LINGO2: variants seen among roughly 807,000 people sequenced by gnomAD.
The protein encoded by LINGO2 is leucine rich repeat and Ig domain containing 2.
Under a neutral mutation model 30.6 loss-of-function variants are expected in LINGO2, and 14 were observed. That is an observed-to-expected ratio of 0.46 (90% CI 0.30 to 0.72). LINGO2 has a LOEUF of 0.72. Among genes scored for constraint, LINGO2 ranks in the 30% least tolerant of loss-of-function variants. LINGO2 has a pLI of 0.07. For missense variants in LINGO2, 729 were observed against 751.7 expected, an observed-to-expected ratio of 0.97 and a Z score of 0.35; for synonymous variants, 317 against 288.5, an observed-to-expected ratio of 1.10 and a Z score of -1.00.
intron 4 of LINGO2, among the ~76,000 whole-genome samples, chr9:28,127,363 G>A (rs1827265704): frequency 6.6e-6 from 1 of 152,184 alleles, no homozygotes; most frequent in African/African-American, 2.4e-5. Context: ...AGGCCCTGGA[G>A]GATGAGAGAC....
At chr9:28,276,304 T>G (rs992063651) in intron 4 of LINGO2, among the ~76,000 whole-genome samples, 3 of 152,200 alleles carry the variant, frequency 2.0e-5, no homozygotes, top group Admixed American at 1.3e-4. Flanking sequence ...GCCTCCCATA[T>G]GGACCACACA....
chr9:28,441,124 C>A (rs1344467644), intron 2 of LINGO2, among the ~76,000 whole-genome samples: 2 of 152,036 alleles, frequency 1.3e-5, no homozygotes, highest in Admixed American at 6.5e-5. Flanking sequence ...TGGGACAGTG[C>A]AGCACAAAGG....
At chr9:28,197,515 G>C (rs1035208425) in intron 4 of LINGO2, among the ~76,000 whole-genome samples, 4 of 151,788 alleles carry the variant, frequency 2.6e-5, no homozygotes, top group African/African-American at 4.8e-5. Flanking sequence ...TTAGTAATTG[G>C]GAAAAATAAT....
At chr9:28,879,905 T>C in the LINGO2 span, among the ~76,000 whole-genome samples, 2 of 152,182 alleles carry the variant, frequency 1.3e-5, no homozygotes, top group African/African-American at 4.8e-5. Context: ...CCTATGTGTA[T>C]AACTCTGATA....
the LINGO2 span, among the ~76,000 whole-genome samples, chr9:28,898,631 G>T: frequency 6.6e-6 from 1 of 151,908 alleles, no homozygotes; most frequent in Admixed American, 6.6e-5. Flanking sequence ...TTGATGATAA[G>T]GATAATATTT....
chr9:28,423,033 G>T (rs142622109), intron 2 of LINGO2, among the ~76,000 whole-genome samples: 2 of 152,108 alleles, frequency 1.3e-5, no homozygotes, highest in East Asian at 3.9e-4. Flanking sequence ...AAGGAGGGAT[G>T]GAAAGTTATT....
At chr9:28,219,264 A>G (rs1587252122) in intron 4 of LINGO2, among the ~76,000 whole-genome samples, 1 of 152,196 alleles carries the variant, frequency 6.6e-6, no homozygotes. Context: ...CTTGCTTTCA[A>G]AAAGCTTAAT....
At chr9:29,117,394 C>T in the LINGO2 span, among the ~76,000 whole-genome samples, 1 of 152,196 alleles carries the variant, frequency 6.6e-6, no homozygotes, top group Non-Finnish European at 1.5e-5. Flanking sequence ...ATATTATCCA[C>T]ATAATGTCAC....
the LINGO2 span, among the ~76,000 whole-genome samples, chr9:28,809,084 T>C: frequency 6.6e-6 from 1 of 152,226 alleles, no homozygotes; most frequent in Non-Finnish European, 1.5e-5. Context: ...ATCTGGCAAG[T>C]AGAAGCTTTT....
chr9:28,020,131 G>T (rs111299569), intron 4 of LINGO2, among the ~76,000 whole-genome samples: 1 of 152,124 alleles, frequency 6.6e-6, no homozygotes, highest in Admixed American at 6.5e-5. Context: ...CCATCTCTGC[G>T]TTAACATTTA....
At chr9:28,046,274 G>C (rs1824417099) in intron 4 of LINGO2, among the ~76,000 whole-genome samples, 1 of 152,174 alleles carries the variant, frequency 6.6e-6, no homozygotes, top group African/African-American at 2.4e-5. Context: ...GTTTAACTCT[G>C]TACAGGACCA....
At chr9:28,749,942 C>T in the LINGO2 span, among the ~76,000 whole-genome samples, 5 of 152,134 alleles carry the variant, frequency 3.3e-5, no homozygotes, top group Admixed American at 3.3e-4. Flanking sequence ...TAGTATTGTA[C>T]TTACACTGTC....
the LINGO2 span, among the ~76,000 whole-genome samples, chr9:29,106,138 G>C: frequency 1.3e-5 from 2 of 152,132 alleles, no homozygotes; most frequent in Non-Finnish European, 2.9e-5. Context: ...AAGGGATCAA[G>C]TTTTTATACT....
intron 1 of LINGO2, among the ~76,000 whole-genome samples, chr9:28,553,200 G>T (rs939676796): frequency 1.3e-5 from 2 of 152,068 alleles, no homozygotes. Flanking sequence ...AAATTACTCT[G>T]AGCTAAGGGA....
At chr9:28,351,898 A>G (rs1819910865) in intron 3 of LINGO2, among the ~76,000 whole-genome samples, 1 of 149,626 alleles carries the variant, frequency 6.7e-6, no homozygotes, top group Non-Finnish European at 1.5e-5. Context: ...AAAGACAAAA[A>G]CCACATGATT....
At chr9:28,590,259 T>G (rs1463621184) in intron 1 of LINGO2, among the ~76,000 whole-genome samples, 2 of 151,960 alleles carry the variant, frequency 1.3e-5, no homozygotes, top group African/African-American at 4.8e-5. Context: ...GGACTTCATG[T>G]CTAAAACACC....
chr9:28,431,957 G>A (rs1280319579), intron 2 of LINGO2, among the ~76,000 whole-genome samples: 3 of 151,780 alleles, frequency 2.0e-5, no homozygotes, highest in Admixed American at 6.6e-5. Flanking sequence ...CCCTAAATAC[G>A]TAGGTGATGG....
chr9:28,977,281 C>G, the LINGO2 span, among the ~76,000 whole-genome samples: 2 of 151,950 alleles, frequency 1.3e-5, no homozygotes, highest in East Asian at 3.9e-4. Flanking sequence ...TGGAGAACGG[C>G]TTCTGTCCTG....
At chr9:28,489,369 C>T (rs1311296664) in intron 1 of LINGO2, among the ~76,000 whole-genome samples, 1 of 152,054 alleles carries the variant, frequency 6.6e-6, no homozygotes, top group Non-Finnish European at 1.5e-5. Flanking sequence ...AGGGTTTCGC[C>T]ATGTTGGCTG....
Sources: gnomAD v4.1 joint callset for allele counts (sites outside exome capture counted in the v4.1 genomes callset) on GRCh38, gnomAD v4.1.1 for gene constraint, MANE v1.5 for transcripts, NCBI Gene and HGNC (gene_info 2026-07-23, HGNC 2026-07-21) for gene names.